The following C8orf34 variants were observed in gnomAD, a reference collection of about 807,000 sequenced individuals.
The protein encoded by C8orf34 is chromosome 8 open reading frame 34.
In C8orf34, 65 loss-of-function variants were observed where a neutral mutation model predicts 68.3. The ratio of observed to expected loss-of-function variants is 0.95; its 90% CI spans 0.78 to 1.17. The LOEUF (loss-of-function observed/expected upper bound fraction) is 1.17, where lower values mean the gene tolerates loss of function less well. Ranked by LOEUF, C8orf34 falls within the 50% of genes most tolerant of loss-of-function variation. The pLI is 0.00. For synonymous variants in C8orf34, 244 were observed against 241.2 expected (o/e 1.01, Z -0.11); for missense variants, 664 against 655.4 (o/e 1.01, Z -0.14).
At chr8:68,477,267 A>C (rs906482926) in intron 4 of C8orf34, among the ~76,000 whole-genome samples, 1 of 152,208 alleles carries the variant, frequency 6.6e-6, no homozygotes. Context: ...ATGCTACAGG[A>C]ATCTTGTCAG....
chr8:68,815,367 C>T (rs79840283), intron 12 of C8orf34, among the ~76,000 whole-genome samples: 1 of 147,054 alleles, frequency 6.8e-6, no homozygotes, highest in South Asian at 2.2e-4. Flanking sequence ...TATATATATA[C>T]ACATATACAC....
In C8orf34 at chr8:68,518,337, T is replaced by TTA. The variant is rs1436255705; in HGVS notation, c.766-3451_766-3450dup. On this transcript the variant is annotated intron_variant, in intron 5 of 13. Transcript: ENST00000518698. ...TTACAAAACACACATGTGGGGCCAT[T>TTA]TATATATATATAAATTTGTATATAA... 9.9e-5 allele frequency among the ~76,000 whole-genome samples: 15 copies of TTA among 152,116 alleles called. No homozygotes were observed. The East Asian group carries it at 1.9e-3, about 20-fold the overall frequency.
intron 6 of C8orf34, among the ~76,000 whole-genome samples, chr8:68,531,455 A>G (rs1271025570): frequency 6.6e-6 from 1 of 152,030 alleles, no homozygotes; most frequent in East Asian, 1.9e-4. Context: ...ATTTCTCCCA[A>G]TCTGCGTTTG....
At chr8:68,566,877 G>A (rs1299075700) in intron 7 of C8orf34, among the ~76,000 whole-genome samples, 2 of 152,170 alleles carry the variant, frequency 1.3e-5, no homozygotes, top group African/African-American at 4.8e-5. Flanking sequence ...TTCTGCATCT[G>A]TTGAGATGAT....
At chr8:68,812,378 G>A (rs927782489) in intron 12 of C8orf34, among the ~76,000 whole-genome samples, 3 of 152,120 alleles carry the variant, frequency 2.0e-5, no homozygotes, top group Non-Finnish European at 4.4e-5. Flanking sequence ...GTTTTGAAAT[G>A]TTGACTAAGT....
chr8:68,795,258 C>T (rs556517331), intron 12 of C8orf34, among the ~76,000 whole-genome samples: 28 of 150,508 alleles, frequency 1.9e-4, no homozygotes, highest in East Asian at 1.4e-3. Context: ...ATAGTAGCCC[C>T]GATTAAAAGT....
chr8:68,418,583 A>G (rs551130514), intron 1 of C8orf34, among the ~76,000 whole-genome samples: 20 of 152,114 alleles, frequency 1.3e-4, no homozygotes, highest in Non-Finnish European at 2.6e-4. Context: ...TTCTGTTTAT[A>G]TGCTGGATTA....
At chr8:68,725,060 T>C (rs568673464) in intron 10 of C8orf34, among the ~76,000 whole-genome samples, 3 of 152,236 alleles carry the variant, frequency 2.0e-5, no homozygotes, top group South Asian at 4.1e-4. Context: ...AGAGACAGAA[T>C]CTAGCTATGT....
At chr8:68,651,431 ACTC>A (rs1310148015) in intron 8 of C8orf34, among the ~76,000 whole-genome samples, 1 of 152,042 alleles carries the variant, frequency 6.6e-6, no homozygotes, top group African/African-American at 2.4e-5. Flanking sequence ...TTCAGGGTAA[ACTC>A]CTTTTCTCTT....
At chr8:68,592,176 A>G (rs564759843) in intron 7 of C8orf34, among the ~76,000 whole-genome samples, 2 of 152,076 alleles carry the variant, frequency 1.3e-5, no homozygotes, top group East Asian at 3.9e-4. Flanking sequence ...CTCTATTCAC[A>G]TTTTCTTTCT....
intron 7 of C8orf34, among the ~76,000 whole-genome samples, chr8:68,554,361 T>C (rs142358827): frequency 3.1e-3 from 475 of 152,254 alleles, no homozygotes; most frequent in Middle Eastern, 0.02. Context: ...CTGGCTTTAT[T>C]TGATTTCTAA....
chr8:68,471,925 AACACACACACACAC>A (rs10596354), intron 4 of C8orf34, among the ~76,000 whole-genome samples: 2 of 147,452 alleles, frequency 1.4e-5, no homozygotes, highest in Non-Finnish European at 3.0e-5. Flanking sequence ...GACTTAAATG[AACACACACACACAC>A]ACACACACAC....
intron 8 of C8orf34, among the ~76,000 whole-genome samples, chr8:68,696,185 C>G (rs1174864233): frequency 1.3e-5 from 2 of 149,134 alleles, no homozygotes; most frequent in African/African-American, 4.9e-5. Context: ...AAAAAAGACA[C>G]TAATATGTGT....
At chr8:68,660,212 T>C (rs981954652) in intron 8 of C8orf34, among the ~76,000 whole-genome samples, 2 of 152,166 alleles carry the variant, frequency 1.3e-5, no homozygotes, top group Non-Finnish European at 1.5e-5. Context: ...TCAGGAGGCA[T>C]TCAAGAGAAA....
intron 7 of C8orf34, among the ~76,000 whole-genome samples, chr8:68,538,211 G>A (rs1477398409): frequency 6.6e-6 from 1 of 151,960 alleles, no homozygotes; most frequent in African/African-American, 2.4e-5. Context: ...TCTTGTTTAT[G>A]TTATAGCTTT....
chr8:68,740,217 C>T lies in C8orf34; in HGVS notation c.1404+18780C>T, dbSNP rs148675632. ...CAGCAAAAATTTCACGATAAAGATG[C>T]CAAAAGCAATTGCAACAAAAGCAAA... On this transcript the variant is annotated intron_variant, in intron 10 of 13. Coordinates refer to ENST00000518698, the MANE Select transcript of C8orf34 (RefSeq NM_052958.4). Among the ~76,000 whole-genome samples the T allele has an allele frequency of 2.6e-5, 4 of 152,034 alleles. No individual in the cohort carries two copies. The South Asian group carries it at 6.2e-4, about 24-fold the overall frequency.
intron 10 of C8orf34, among the ~76,000 whole-genome samples, chr8:68,743,961 C>G (rs567866900): frequency 6.6e-6 from 1 of 152,314 alleles, no homozygotes; most frequent in South Asian, 2.1e-4. Flanking sequence ...ACAGCAGTAA[C>G]CTCTGCAGAC....
At chr8:68,812,843 G>T (rs1468455368) in intron 12 of C8orf34, among the ~76,000 whole-genome samples, 2 of 152,110 alleles carry the variant, frequency 1.3e-5, no homozygotes, top group Admixed American at 1.3e-4. Context: ...TTTATTCAGG[G>T]AGGTCATAAC....
At chr8:68,435,260 CT>C (rs1400743393) in intron 1 of C8orf34, among the ~76,000 whole-genome samples, 9 of 151,100 alleles carry the variant, frequency 6.0e-5, no homozygotes, top group African/African-American at 2.2e-4. Flanking sequence ...TTGGCTAAGA[CT>C]TTTTGGGAGT....
Sources: allele counts gnomAD v4.1 joint callset (sites outside exome capture counted in the v4.1 genomes callset), GRCh38; gene constraint gnomAD v4.1.1; transcripts MANE v1.5; gene names NCBI Gene and HGNC (gene_info 2026-07-23, HGNC 2026-07-21).